PRRC2C: variants seen among roughly 807,000 people sequenced by gnomAD.
PRRC2C encodes protein PRRC2C.
Under a neutral mutation model 317.2 loss-of-function variants are expected in PRRC2C, and 72 were observed. The ratio of observed to expected loss-of-function variants is 0.23; its 90% CI spans 0.19 to 0.28. The LOEUF is 0.28. Among genes scored for constraint, PRRC2C ranks in the 10% least tolerant of loss-of-function variants. The pLI is 1.00. For synonymous variants in PRRC2C, 1,296 were observed against 1,205.9 expected, an observed-to-expected ratio of 1.07 and a Z score of -1.55; for missense variants, 3,074 against 3,459.7, an observed-to-expected ratio of 0.89 and a Z score of 2.80.
Position 171,517,632 on chromosome 1 carries a change from C to T in PRRC2C, c.568C>T (p.Pro190Ser). The T allele has an allele frequency of 6.2e-7, 1 of 1,612,518 alleles. No homozygotes were observed. The highest frequency in any genetic ancestry group is 8.5e-7 in the Non-Finnish European group (1 of 1,179,674). Residue 190 changes from proline (P) to serine (S), a missense_variant, in exon 6 of 35, where the codon CCT (proline) becomes TCT (serine). Pro to Ser is a moderately conservative substitution (Grantham distance 74). Transcript: ENST00000647382. ...AGATGGTGGTAAGGCTGCTGGCTCACCTTCGTCATCTGATCAAGATGAAAA... is the reference window on the plus strand; with the variant it reads ...AGATGGTGGTAAGGCTGCTGGCTCATCTTCGTCATCTGATCAAGATGAAAA... The part of the protein sequence containing the change: ...WRDGGKAAGS[P>S]SSSDQDEKLP...
intron 28 of PRRC2C, among the ~76,000 whole-genome samples, 197 bp from the exon 29 acceptor site, chr1:171,583,758 AT>A (rs1248669618): frequency 6.6e-6 from 1 of 152,206 alleles, no homozygotes; most frequent in East Asian, 1.9e-4. Context: ...TAGAACAGCT[AT>A]GATGTCACTA....
intron 16 of PRRC2C, among the ~76,000 whole-genome samples, chr1:171,543,322 C>CAAA (rs1214982713): frequency 3.2e-5 from 2 of 62,996 alleles, no homozygotes; most frequent in Admixed American, 1.8e-4. Flanking sequence ...GACTCCGTCT[C>CAAA]AAAAAAAAAA....
rs748327024 is a variant in PRRC2C, at chr1:171,579,918, G to C, written c.7363G>C (p.Val2455Leu). The C allele has an allele frequency of 1.3e-6, 2 of 1,596,168 alleles. No individual in the cohort carries two copies. The highest frequency in any genetic ancestry group is 3.6e-5 in the Admixed American group (2 of 55,606). ...ACTGAGTTTGGGGGCTGGCCCTGCTGTTTCCCAGGCTCAGGAATTGTTCAG... is the reference window on the plus strand; with the variant it reads ...ACTGAGTTTGGGGGCTGGCCCTGCTCTTTCCCAGGCTCAGGAATTGTTCAG... ...AQLSLGAGPA[V>L]SQAQELFSSS... is the part of the protein sequence containing the mutation. The change falls in exon 28 of 35, where the codon GTT (valine) becomes CTT (leucine). Residue 2455 changes from valine (V) to leucine (L), a missense_variant. By Grantham distance (32) the Val-to-Leu change is conservative (BLOSUM62 1). Around this residue, in one of 11 missense-constraint regions of PRRC2C, gnomAD observed 490 missense variants for 663.1 expected, o/e 0.74. Coordinates refer to ENST00000647382, the MANE Select transcript of PRRC2C (RefSeq NM_001387844.1).
In PRRC2C at chr1:171,566,744, T is replaced by C; in HGVS notation, c.6459T>C (p.Asp2153=). ...GCCCAGCTACAGTCAGAAGCACAGA[T>C]CCTGTCACGACAAAGGAGACTAAAG... The part of the protein sequence containing the change: ...KPSPATVRST[D]PVTTKETKAV... Residue 2153 remains aspartate, a synonymous_variant, in exon 22 of 35, where the codon GAT becomes GAC. Transcript: ENST00000647382. 1.2e-6 allele frequency: 2 copies of C among 1,613,664 alleles called. No individual in the cohort carries two copies. The highest frequency in any genetic ancestry group is 1.7e-6 in the Non-Finnish European group (2 of 1,179,796).
chr1:171,551,291 T>C (rs894447694), intron 18 of PRRC2C, among the ~76,000 whole-genome samples: 31 of 152,318 alleles, frequency 2.0e-4, no homozygotes, highest in African/African-American at 7.2e-4. Context: ...TCATATCCTT[T>C]GCCCACTTTT....
At position 171,574,831 on chromosome 1, in the gene PRRC2C, A is replaced by G. The variant is rs1232776236; in HGVS notation, c.6754-96A>G. ...TTTGTGTGTGTGTGGTTTTTGAAAGATTATATTTGGCACTTAAATACTGAT... is the reference window on the plus strand; with the variant it reads ...TTTGTGTGTGTGTGGTTTTTGAAAGGTTATATTTGGCACTTAAATACTGAT... On this transcript the variant is annotated intron_variant, in intron 24 of 34. Transcript: ENST00000647382. The G allele has an allele frequency of 4.3e-6, 5 of 1,155,354 alleles. No homozygotes were observed. The African/African-American group carries it at 6.2e-5, about 14-fold the overall frequency. 71.6% of individuals were successfully genotyped at this position (1,155,354 alleles called of 1,614,324 possible). A position where few individuals can be genotyped will look rare whatever the true frequency, so the allele number is the denominator to read the frequency against.
chr1:171,494,706 A>G (rs1667787859), intron 1 of PRRC2C, among the ~76,000 whole-genome samples: 1 of 86,790 alleles, frequency 1.2e-5, no homozygotes, highest in South Asian at 3.2e-4. Context: ...TTAGCATTCA[A>G]ACCTCTTCAC....
Position 171,566,324 on chromosome 1 carries a change from T to C in PRRC2C, c.6209T>C (p.Val2070Ala). 6.2e-7 allele frequency: 1 copy of C among 1,606,366 alleles called. No homozygotes were observed. The highest frequency in any genetic ancestry group is 8.5e-7 in the Non-Finnish European group (1 of 1,176,246). ...GCCTCAAATGGAAATGAAAATGAAG[T>C]TGTTCCTGTGCTTTCGGAAAAATCT... ...APASNGNENE[V>A]VPVLSEKSAD... is the part of the protein sequence containing the mutation. Residue 2070 changes from valine (V) to alanine (A), a missense_variant, in exon 21 of 35, where the codon GTT (valine) becomes GCT (alanine). By Grantham distance (64) the Val-to-Ala change is moderately conservative. This residue lies in a region of PRRC2C where 640 missense variants were observed against 676.1 expected (regional missense o/e 0.95). Transcript: ENST00000647382.
Position 171,538,993 on chromosome 1 carries a change from A to T in PRRC2C, c.2505-978A>T, listed in dbSNP as rs181225205. The stretch of plus-strand genomic sequence containing the variant: ...AGTGCAAGGATTACAGGCATGAGCC[A>T]CCGCTTCAGGCCCATTTTTTTTTTT... On this transcript the variant is annotated intron_variant, in intron 15 of 34. Coordinates refer to ENST00000647382, the MANE Select transcript of PRRC2C (RefSeq NM_001387844.1). 3.0e-4 allele frequency among the ~76,000 whole-genome samples: 42 copies of T among 141,834 alleles called. No homozygotes were observed. In the East Asian group the frequency reaches 5.2e-3, roughly 17 times the overall value. The allele number at this position is 141,834 out of a possible 152,430, so 93.0% of individuals were successfully genotyped here.
intron 31 of PRRC2C, 110 bp from the exon 32 acceptor site, chr1:171,587,538 A>G: frequency 1.4e-6 from 1 of 735,110 alleles, no homozygotes; most frequent in South Asian, 1.9e-5. Flanking sequence ...GTTTTGTACT[A>G]AGGTTCTTTG....
At position 171,541,661 on chromosome 1, in the gene PRRC2C, T is replaced by G. The variant is rs759963817; in HGVS notation, c.4195T>G (p.Phe1399Val). ...DGEPPRRHEQ[F>V]IPIAADKRPP... ...AGAGCCGCCAAGAAGACATGAGCAG[T>G]TTATTCCTATAGCAGCAGATAAACG... The change falls in exon 16 of 35, where the codon TTT (phenylalanine) becomes GTT (valine). Residue 1399 changes from phenylalanine (F) to valine (V), a missense_variant. Coordinates refer to ENST00000647382, the MANE Select transcript of PRRC2C (RefSeq NM_001387844.1). The surrounding 1 kb of genome is among the most constrained non-coding windows in gnomAD (Gnocchi z 4.1). 6.2e-7 allele frequency: 1 copy of G among 1,613,804 alleles called. No individual in the cohort carries two copies. The highest frequency in any genetic ancestry group is 8.5e-7 in the Non-Finnish European group (1 of 1,179,872).
chr1:171,576,809 C>G (rs1056722555), intron 25 of PRRC2C, among the ~76,000 whole-genome samples: 1 of 152,082 alleles, frequency 6.6e-6, no homozygotes, highest in Non-Finnish European at 1.5e-5. Flanking sequence ...CCTTCCATCT[C>G]AGCCTCCCAA....
chr1:171,515,667 G>A, intron 4 of PRRC2C, 67 bp from the exon 5 acceptor site: 4 of 1,291,116 alleles, frequency 3.1e-6, no homozygotes, highest in Non-Finnish European at 1.1e-6. Flanking sequence ...GCTCTATCCT[G>A]GGAGGGTGGT....
rs370946807 is a variant in PRRC2C, at chr1:171,591,864, C to T, written c.*17C>T. The T allele has an allele frequency of 4.4e-5, 62 of 1,422,652 alleles. No individual in the cohort carries two copies. The highest frequency in any genetic ancestry group is 5.6e-5 in the Non-Finnish European group (60 of 1,077,184). 88.1% of individuals were successfully genotyped at this position (1,422,652 alleles called of 1,614,324 possible). On this transcript the variant is annotated 3_prime_UTR_variant, in exon 35 of 35. Coordinates refer to ENST00000647382, the MANE Select transcript of PRRC2C (RefSeq NM_001387844.1). ...AAATCTTAAAGGCTATGGTTTATTG[C>T]AGGGGATTGGGAGGGGGGCGGGAAA... is the stretch of plus-strand genomic sequence containing the variant.
At chr1:171,587,511 G>GT (rs1650313470) in intron 31 of PRRC2C, 137 bp from the exon 32 acceptor site, 3 of 645,880 alleles carry the variant, frequency 4.6e-6, no homozygotes, top group Non-Finnish European at 7.9e-6. Context: ...CATAATACTT[G>GT]AAGCCTAACT....
At chr1:171,554,982 G>A (rs1194181317) in intron 18 of PRRC2C, among the ~76,000 whole-genome samples, 5 of 152,128 alleles carry the variant, frequency 3.3e-5, no homozygotes, top group East Asian at 1.9e-4. Flanking sequence ...GGTGTTCTCC[G>A]TGTTTCCTGA....
intron 3 of PRRC2C, among the ~76,000 whole-genome samples, chr1:171,514,127 T>A (rs2102266621): frequency 6.6e-6 from 1 of 152,244 alleles, no homozygotes; most frequent in East Asian, 1.9e-4. Context: ...AGGTGGGGAG[T>A]TTGCTTAGCT....
chr1:171,555,867 C>T (rs565740919), intron 18 of PRRC2C, among the ~76,000 whole-genome samples: 1 of 152,318 alleles, frequency 6.6e-6, no homozygotes, highest in East Asian at 1.9e-4. Context: ...AGTTAGGCTA[C>T]ACAGGGCCAG....
intron 10 of PRRC2C, among the ~76,000 whole-genome samples, chr1:171,525,192 ATT>A (rs902116509): frequency 6.6e-6 from 1 of 152,026 alleles, no homozygotes; most frequent in Non-Finnish European, 1.5e-5. Context: ...AAAGCTTCAC[ATT>A]TTTTTTACCT....
Sources: gnomAD v4.1 joint callset for allele counts (sites outside exome capture counted in the v4.1 genomes callset) on GRCh38, gnomAD v4.1.1 for gene constraint, gnomAD v4.1.1 regional missense constraint, Gnocchi (gnomAD v3.1) non-coding constraint, MANE v1.5 for transcripts, NCBI Gene and HGNC (gene_info 2026-07-23, HGNC 2026-07-21) for gene names.